FAT2: variants seen among roughly 807,000 people sequenced by gnomAD.
FAT2 encodes the protein FAT atypical cadherin 2.
FAT2 carries 150 observed loss-of-function variants against 295.3 expected under a neutral mutation model. The observed-to-expected ratio is 0.51, with a 90% confidence interval of 0.44 to 0.58. The LOEUF is 0.58. Ranked by LOEUF, FAT2 falls within the 20% of genes least tolerant of loss-of-function variation. FAT2 has a pLI of 0.00. For missense variants in FAT2, 4,868 were observed against 5,442.7 expected (o/e 0.89, Z 3.32); for synonymous variants, 2,026 against 2,150.3 (o/e 0.94, Z 1.60).
At chr5:151,579,889 A>G (rs770477062) in intron 1 of FAT2, among the ~76,000 whole-genome samples, 6 of 152,278 alleles carry the variant, frequency 3.9e-5, no homozygotes, top group Admixed American at 2.0e-4. Context: ...TATAACTATC[A>G]TTCTTCTTAT....
chr5:151,553,587 C>T (rs1362174278), intron 5 of FAT2, among the ~76,000 whole-genome samples, 200 bp from the exon 6 acceptor site: 1 of 152,212 alleles, frequency 6.6e-6, no homozygotes, highest in Admixed American at 6.5e-5. Flanking sequence ...GTGAACAAAA[C>T]GTATAACCTG....
Position 151,516,391 on chromosome 5 carries a change from C to G in FAT2, c.11463+1229G>C, listed in dbSNP as rs147677855. Among the ~76,000 whole-genome samples the G allele has an allele frequency of 3.1e-3, 477 of 152,200 alleles. 1 individual carries two copies. Among genetic ancestry groups the G allele is most frequent in the African/African-American group, 0.011 (452 of 41,520 alleles). ...AATTAGTGAGCGTGGTTGCACACAC[C>G]TGTAATTCCAGCTACTCCAGAGACT... is the stretch of plus-strand genomic sequence containing the variant. On this transcript the variant is annotated intron_variant, in intron 20 of 23. Transcript: ENST00000261800.
rs114117630 is a variant in FAT2 at position 151,564,967 on chromosome 5, C to T, written c.3259+706G>A. Among the ~76,000 whole-genome samples, 1,073 of 152,070 alleles carry T rather than the reference C, an allele frequency of 7.1e-3. 7 individuals are homozygous for T. The highest frequency in any genetic ancestry group is 0.024 in the Middle Eastern group (7 of 294). On this transcript the variant is annotated intron_variant, in intron 2 of 23. Coordinates refer to ENST00000261800, the MANE Select transcript of FAT2 (RefSeq NM_001447.3). The stretch of plus-strand genomic sequence containing the variant: ...GGGTGCCTGTAATTCCAGCTACTTT[C>T]GGGAGCCTAAGGCAGGAGAATCGCT...
chr5:151,586,166 A>G (rs993501067), intron 1 of FAT2, among the ~76,000 whole-genome samples: 1 of 152,264 alleles, frequency 6.6e-6, no homozygotes, highest in Non-Finnish European at 1.5e-5. Context: ...AGCAGCTCTG[A>G]CACTGGACAC....
At chr5:151,583,885 C>G (rs1426711209) in intron 1 of FAT2, among the ~76,000 whole-genome samples, 1 of 148,376 alleles carries the variant, frequency 6.7e-6, no homozygotes, top group African/African-American at 2.5e-5. Flanking sequence ...GTAATCCCAG[C>G]TACTTGGGAG....
rs147369556 is a variant in FAT2 at position 151,505,713 on chromosome 5, C to T, written c.12902G>A (p.Arg4301His). 42 of 1,613,906 alleles carry T rather than the reference C, an allele frequency of 2.6e-5. No individual in the cohort carries two copies. The highest frequency in any genetic ancestry group is 1.7e-4 in the African/African-American group (13 of 75,062). Reference protein sequence around the residue: ...ADGGYKGVGMRLSRAGPSYAV... With the variant: ...ADGGYKGVGMHLSRAGPSYAV... The stretch of plus-strand genomic sequence containing the variant: ...ATAAGAGGGCCCAGCTCGGCTGAGG[C>T]GCATACCCACCCCCTTGTAGCCCCC... Residue 4301 changes from arginine to histidine, a missense_variant, in exon 24 of 24, where the codon CGC becomes CAC. By Grantham distance (29) the Arg-to-His change is conservative. Around this residue, in one of 5 missense-constraint regions of FAT2, gnomAD observed 492 missense variants for 482.6 expected, o/e 1.02. Coordinates refer to ENST00000261800, the MANE Select transcript of FAT2 (RefSeq NM_001447.3).
At position 151,533,393 on chromosome 5, in the gene FAT2, A is replaced by AAAACACACACACACAC. The variant is rs373411098; in HGVS notation, c.9427+1015_9427+1016insGTGTGTGTGTGTGTTT. Among the ~76,000 whole-genome samples, 32 of 132,182 alleles carry AAAACACACACACACAC rather than the reference A, an allele frequency of 2.4e-4. No individual in the cohort carries two copies. The East Asian group carries it at 6.1e-3, about 25-fold the overall frequency. The allele number at this position is 132,182 out of a possible 152,430, so 86.7% of individuals were successfully genotyped here. The stretch of plus-strand genomic sequence containing the variant: ...TATTCCACTTGCACTTGTTATCTCC[A>AAAACACACACACACAC]ACACACACACACACACACACACACA... On this transcript the variant is annotated intron_variant, in intron 13 of 23. Transcript: ENST00000261800.
At position 151,562,808 on chromosome 5, in the gene FAT2, A is replaced by G. The variant is rs1758074526; in HGVS notation, c.3574+517T>C. On this transcript the variant is annotated intron_variant, in intron 3 of 23. Coordinates refer to ENST00000261800, the MANE Select transcript of FAT2 (RefSeq NM_001447.3). ...TCTGGATTTCTCCCAACCATCCACC[A>G]TCCTTGTCCCAGAAGGCTTTGGGCA... Among the ~76,000 whole-genome samples, 6 of 152,192 alleles carry G rather than the reference A, an allele frequency of 3.9e-5. No individual in the cohort carries two copies. In the South Asian group the frequency reaches 1.2e-3, roughly 31 times the overall value.
In FAT2 at chr5:151,505,665, G is replaced by A. The variant is rs769581347; in HGVS notation, c.12950C>T (p.Ala4317Val). 2 of 1,614,018 alleles carry A rather than the reference G, an allele frequency of 1.2e-6. No homozygotes were observed. The highest frequency in any genetic ancestry group is 1.3e-5 in the African/African-American group (1 of 75,046). Reference protein sequence around the residue: ...PSYAVCEVEGAPLAGQGQPRV... With the variant: ...PSYAVCEVEGVPLAGQGQPRV... The stretch of plus-strand genomic sequence containing the variant: ...GGGCTGGCCCTGGCCTGCAAGAGGT[G>A]CCCCCTCCACCTCACAGACAGCATA... The change falls in exon 24 of 24, where the codon GCA becomes GTA. Residue 4317 changes from alanine (A) to valine (V), a missense_variant. By Grantham distance (64) the Ala-to-Val change is moderately conservative. This residue lies in a region of FAT2 where 492 missense variants were observed against 482.6 expected (regional missense o/e 1.02). Coordinates refer to ENST00000261800, the MANE Select transcript of FAT2 (RefSeq NM_001447.3).
intron 10 of FAT2, among the ~76,000 whole-genome samples, chr5:151,541,473 G>A (rs1003225416): frequency 9.2e-5 from 14 of 152,050 alleles, no homozygotes; most frequent in Admixed American, 6.5e-4. Context: ...CTATGTCTTC[G>A]GGAGTCTGTG....
chr5:151,587,760 C>G (rs1759234570), intron 1 of FAT2, among the ~76,000 whole-genome samples: 1 of 152,162 alleles, frequency 6.6e-6, no homozygotes, highest in East Asian at 1.9e-4. Flanking sequence ...ATAACAGAAC[C>G]GTGTGACTTA....
In FAT2 at chr5:151,543,360, C is replaced by T. The variant is rs773210386; in HGVS notation, c.7767G>A (p.Glu2589=). 6.8e-6 allele frequency: 11 copies of T among 1,614,094 alleles called. No individual in the cohort carries two copies. Among genetic ancestry groups the T allele is most frequent in the Admixed American group, 1.7e-5 (1 of 60,004 alleles). ...CATTGGATTGAATGGATACTGTGTA[C>T]TCAGATGCTTTGAACTGTGGGGGGT... The part of the protein sequence containing the change: ...NDNPPQFKAS[E]YTVSIQSNVS... The change falls in exon 10 of 24, where the codon GAG becomes GAA. Residue 2589 remains glutamate, a synonymous_variant. Coordinates refer to ENST00000261800, the MANE Select transcript of FAT2 (RefSeq NM_001447.3).
chr5:151,569,093 G>T, intron 1 of FAT2, 142 bp from the exon 2 acceptor site: 1 of 745,872 alleles, frequency 1.3e-6, no homozygotes, highest in Non-Finnish European at 2.1e-6. Context: ...CAGCTTGGGA[G>T]TGGTGGTGCT....
At chr5:151,540,249 C>T (rs1755976429) in intron 11 of FAT2, among the ~76,000 whole-genome samples, 1 of 152,164 alleles carries the variant, frequency 6.6e-6, no homozygotes, top group Non-Finnish European at 1.5e-5. Flanking sequence ...CTAGAATGGT[C>T]CCTGCCCCTG....
chr5:151,556,027 C>A (rs1406828760), intron 4 of FAT2, among the ~76,000 whole-genome samples: 1 of 152,214 alleles, frequency 6.6e-6, no homozygotes, highest in Non-Finnish European at 1.5e-5. Context: ...ATGATTCTGT[C>A]TGCCTGAGCC....
chr5:151,544,343 C>G lies in FAT2; in HGVS notation c.6784G>C (p.Val2262Leu). The G allele has an allele frequency of 2.5e-6, 4 of 1,614,194 alleles. No individual in the cohort carries two copies. The highest frequency in any genetic ancestry group is 3.4e-6 in the Non-Finnish European group (4 of 1,180,016). The change falls in exon 10 of 24, where the codon GTG (valine) becomes CTG (leucine). Residue 2262 changes from valine (V) to leucine (L), a missense_variant. Coordinates refer to ENST00000261800, the MANE Select transcript of FAT2 (RefSeq NM_001447.3). ...GGAGGGTTATCATTGACATCCTCCA[C>G]TAGGACTTCCACTGTGGCTTCAGAA... ...SFSEATVEVL[V>L]EDVNDNPPTF... is the part of the protein sequence containing the mutation.
chr5:151,566,169 G>C lies in FAT2; in HGVS notation c.2763C>G (p.Asn921Lys), dbSNP rs369387575. The stretch of plus-strand genomic sequence containing the variant: ...TGTGTTCTGTGATGCACTGGGGAGA[G>C]TTGTCGTTGACATCCTCCAATGTGA... ...LIITLEDVND[N>K]SPQCITEHNR... is the part of the protein sequence containing the mutation. The change falls in exon 2 of 24, where the codon AAC becomes AAG. Residue 921 changes from asparagine to lysine, a missense_variant. By Grantham distance (94) the Asn-to-Lys change is moderately conservative. Coordinates refer to ENST00000261800, the MANE Select transcript of FAT2 (RefSeq NM_001447.3). 5 of 1,614,190 alleles carry C rather than the reference G, an allele frequency of 3.1e-6. No homozygotes were observed. Among genetic ancestry groups the C allele is most frequent in the Non-Finnish European group, 4.2e-6 (5 of 1,180,038 alleles).
At position 151,534,970 on chromosome 5, in the gene FAT2, A is replaced by AT. The variant is rs1755078921; in HGVS notation, c.9194-329_9194-328insA. 3.8e-4 allele frequency among the ~76,000 whole-genome samples: 40 copies of AT among 106,340 alleles called. 3 individuals are homozygous for AT. The highest frequency in any genetic ancestry group is 9.1e-4 in the Admixed American group (10 of 10,952). The allele number at this position is 106,340 out of a possible 152,430, so 69.8% of individuals were successfully genotyped here. On this transcript the variant is annotated intron_variant, in intron 12 of 23. Coordinates refer to ENST00000261800, the MANE Select transcript of FAT2 (RefSeq NM_001447.3). ...TGGTTCGTAATTCCACTTCTAGGAA[A>AT]ATATATATATATATATATATATATA...
chr5:151,566,498 C>T lies in FAT2; in HGVS notation c.2434G>A (p.Asp812Asn). 1 of 1,613,964 alleles carries T rather than the reference C, an allele frequency of 6.2e-7. No individual in the cohort carries two copies. The highest frequency in any genetic ancestry group is 1.6e-4 in the Middle Eastern group (1 of 6,062). ...SWKLLTVNVKDWNDNAPRFPP... is the reference protein window; with the variant it reads ...SWKLLTVNVKNWNDNAPRFPP... ...AATCTGGGTGCGTTGTCATTCCAGT[C>T]TTTCACATTCACTGTCAGCAGCTTC... The change falls in exon 2 of 24, where the codon GAC (aspartate) becomes AAC (asparagine). Residue 812 changes from aspartate to asparagine, a missense_variant. By Grantham distance (23) the Asp-to-Asn change is conservative (BLOSUM62 1). This residue lies in a region of FAT2 where 3,297 missense variants were observed against 3,669.4 expected (regional missense o/e 0.90). Transcript: ENST00000261800.
Sources: gnomAD v4.1 joint callset for allele counts (sites outside exome capture counted in the v4.1 genomes callset) on GRCh38, gnomAD v4.1.1 for gene constraint, gnomAD v4.1.1 regional missense constraint, MANE v1.5 for transcripts, NCBI Gene and HGNC (gene_info 2026-07-23, HGNC 2026-07-21) for gene names.